GPX6: variants seen among roughly 807,000 people sequenced by gnomAD.
The protein encoded by GPX6 is glutathione peroxidase 6 (olfactory).
GPX6 carries 21 observed loss-of-function variants against 20.0 expected under a neutral mutation model. The ratio of observed to expected loss-of-function variants is 1.05; its 90% confidence interval spans 0.74 to 1.51. GPX6 has a LOEUF of 1.51. GPX6 is among the 40% of genes most tolerant of loss of function. The pLI is 0.00. For missense variants in GPX6, 233 were observed against 254.7 expected (o/e 0.91, Z 0.58); for synonymous variants, 75 against 98.0 (o/e 0.77, Z 1.38).
rs999339770 is a variant in GPX6 at position 28,513,113 on chromosome 6, ATC to A, written c.88-2211_88-2210del. Among the ~76,000 whole-genome samples, 21 of 152,286 alleles carry A rather than the reference ATC, an allele frequency of 1.4e-4. No individual in the cohort carries two copies. The East Asian group carries it at 2.9e-3, about 21-fold the overall frequency. On this transcript the variant is annotated intron_variant, in intron 1 of 4. Coordinates refer to ENST00000361902, the MANE Select transcript of GPX6 (RefSeq NM_182701.1). ...TTTGGCCGGGCTCCAGGGAAAAACC[ATC>A]TCTCTTTTGGCTCCCCCATCTGATG...
At chr6:28,510,583 T>C (rs986882211) in intron 2 of GPX6, among the ~76,000 whole-genome samples, 168 bp downstream of exon 2, 9 of 152,172 alleles carry the variant, frequency 5.9e-5, no homozygotes, top group African/African-American at 1.9e-4. Flanking sequence ...TGGAAATAAT[T>C]ATCCTGATAT....
chr6:28,505,004 C>T (rs1762794178), intron 4 of GPX6, among the ~76,000 whole-genome samples: 1 of 152,124 alleles, frequency 6.6e-6, no homozygotes, highest in Middle Eastern at 3.2e-3. Context: ...CTACTGTAAG[C>T]ACACATTTAA....
At chr6:28,509,139 C>T (rs893209233) in intron 2 of GPX6, among the ~76,000 whole-genome samples, 20 of 152,122 alleles carry the variant, frequency 1.3e-4, no homozygotes, top group Non-Finnish European at 2.5e-4. Context: ...TACTGAAAAT[C>T]CATTAAGAAA....
rs756712894 is a variant in GPX6 at position 28,506,362 on chromosome 6, C to T, written c.309G>A (p.Gln103=). The change falls in exon 3 of 5, where the codon CAG becomes CAA. Residue 103 remains glutamine (Q), a synonymous_variant. Transcript: ENST00000361902. ...TTGTTCCTGGTTCTTGTTTTCCAAA[C>T]TGGTTGCAGGGAAAGGCCAACACAA... ...GVIVLAFPCN[Q]FGKQEPGTNS... 2 of 1,613,984 alleles carry T rather than the reference C, an allele frequency of 1.2e-6. No homozygotes were observed. Among genetic ancestry groups the T allele is most frequent in the Non-Finnish European group, 1.7e-6 (2 of 1,179,896 alleles).
intron 1 of GPX6, among the ~76,000 whole-genome samples, chr6:28,513,921 G>C: frequency 6.6e-6 from 1 of 152,224 alleles, no homozygotes; most frequent in East Asian, 1.9e-4. Flanking sequence ...TATCCTTGGA[G>C]AGAAGGAGGC....
chr6:28,513,217 G>A (rs1215167254), intron 1 of GPX6, among the ~76,000 whole-genome samples: 1 of 152,132 alleles, frequency 6.6e-6, no homozygotes, highest in East Asian at 1.9e-4. Flanking sequence ...CGTAAACCAA[G>A]GCAAGATCCC....
chr6:28,511,975 G>A (rs1762886393), intron 1 of GPX6, among the ~76,000 whole-genome samples: 1 of 152,248 alleles, frequency 6.6e-6, no homozygotes, highest in South Asian at 2.1e-4. Context: ...TAGCACCAAG[G>A]CCAGCAGCTG....
intron 2 of GPX6, among the ~76,000 whole-genome samples, chr6:28,506,696 T>A (rs1762809462): frequency 8.0e-6 from 1 of 125,576 alleles, no homozygotes; most frequent in South Asian, 2.7e-4. Flanking sequence ...AACTCTTATT[T>A]TTTTTTTTAA....
intron 2 of GPX6, among the ~76,000 whole-genome samples, chr6:28,506,878 T>C (rs1323416061): frequency 6.6e-6 from 1 of 152,100 alleles, no homozygotes; most frequent in East Asian, 1.9e-4. Flanking sequence ...CACCTATCCC[T>C]GCATCCCCCC....
At chr6:28,514,181 A>G (rs2113611767) in intron 1 of GPX6, among the ~76,000 whole-genome samples, 2 of 152,240 alleles carry the variant, frequency 1.3e-5, no homozygotes, top group South Asian at 4.1e-4. Flanking sequence ...GTATGCCTCC[A>G]TTTTCTTGCC....
rs749527312 is a variant in GPX6 at position 28,515,724 on chromosome 6, G to T, written c.20C>A (p.Ala7Asp). 6.2e-7 allele frequency: 1 copy of T among 1,613,870 alleles called. No homozygotes were observed. The highest frequency in any genetic ancestry group is 8.5e-7 in the Non-Finnish European group (1 of 1,179,804). Residue 7 changes from alanine to aspartate, a missense_variant, in exon 1 of 5, where the codon GCC (alanine) becomes GAC (aspartate). Transcript: ENST00000361902. Reference protein sequence around the residue: MFQQFQASCLVLFFLVG... With the variant: MFQQFQDSCLVLFFLVG... ...CAGGAAAAACAGGACAAGACAGGAG[G>T]CCTGGAACTGCTGGAACATGGCTAG... is the stretch of plus-strand genomic sequence containing the variant.
In GPX6 at chr6:28,504,956, C is replaced by T. The variant is rs34357620; in HGVS notation, c.460-458G>A. On this transcript the variant is annotated intron_variant, in intron 4 of 4. Transcript: ENST00000361902. ...ATTTCCTTGGATATTAACGTAGAAT[C>T]ACTAATACTCATTTTGCCAATAAGA... is the stretch of plus-strand genomic sequence containing the variant. 2.3e-3 allele frequency among the ~76,000 whole-genome samples: 347 copies of T among 152,208 alleles called. 5 individuals carry two copies. In the East Asian group the frequency reaches 0.058, roughly 25 times the overall value.
intron 1 of GPX6, among the ~76,000 whole-genome samples, chr6:28,514,952 G>T (rs1028418696): frequency 1.3e-5 from 2 of 152,108 alleles, no homozygotes; most frequent in Admixed American, 6.5e-5. Context: ...CTTTCACAGG[G>T]GTGACTATGG....
intron 1 of GPX6, among the ~76,000 whole-genome samples, chr6:28,513,929 G>A (rs945825217): frequency 7.9e-5 from 12 of 152,196 alleles, no homozygotes; most frequent in African/African-American, 2.9e-4. Context: ...GAGAGAAGGA[G>A]GCTTGACCAA....
intron 3 of GPX6, 119 bp from the exon 4 acceptor site, chr6:28,505,921 G>A (rs1762802235): frequency 2.7e-6 from 2 of 744,532 alleles, no homozygotes; most frequent in Non-Finnish European, 4.7e-6. Flanking sequence ...GCTGTGCACA[G>A]GGAAGATAAG....
At chr6:28,508,217 G>A (rs1762825834) in intron 2 of GPX6, among the ~76,000 whole-genome samples, 1 of 152,100 alleles carries the variant, frequency 6.6e-6, no homozygotes, top group South Asian at 2.1e-4. Flanking sequence ...CACATTCCAT[G>A]GAACTGCGTT....
At chr6:28,513,926 G>A (rs1351228790) in intron 1 of GPX6, among the ~76,000 whole-genome samples, 1 of 152,204 alleles carries the variant, frequency 6.6e-6, no homozygotes, top group Non-Finnish European at 1.5e-5. Context: ...TTGGAGAGAA[G>A]GAGGCTTGAC....
chr6:28,510,872 G>C lies in GPX6; in HGVS notation c.120C>G (p.Ile40Met). Reference sequence around the variant, plus strand: ...TGAGGGTGAGGGCTCCATACTCATAGATGGTGCCTGTTACCCCTTTGTTGC... The same window carrying C: ...TGAGGGTGAGGGCTCCATACTCATACATGGTGCCTGTTACCCCTTTGTTGC... ...VDCNKGVTGTIYEYGALTLNG... is the reference protein window; with the variant it reads ...VDCNKGVTGTMYEYGALTLNG... The change falls in exon 2 of 5, where the codon ATC becomes ATG. Residue 40 changes from isoleucine (I) to methionine (M), a missense_variant. Transcript: ENST00000361902. The C allele has an allele frequency of 6.2e-7, 1 of 1,613,190 alleles. No individual in the cohort carries two copies. The highest frequency in any genetic ancestry group is 2.2e-5 in the East Asian group (1 of 44,844).
chr6:28,504,580 G>T, intron 4 of GPX6, 82 bp from the exon 5 acceptor site: 3 of 1,215,366 alleles, frequency 2.5e-6, no homozygotes, highest in Non-Finnish European at 3.5e-6. Context: ...TTTATCTCCA[G>T]ACTAGAGAGT....
Sources: gnomAD v4.1 joint callset for allele counts (sites outside exome capture counted in the v4.1 genomes callset) on GRCh38, gnomAD v4.1.1 for gene constraint, MANE v1.5 for transcripts, NCBI Gene and HGNC (gene_info 2026-07-23, HGNC 2026-07-21) for gene names.